The following SARDH variants were observed in gnomAD, a reference collection of about 807,000 sequenced individuals.
SARDH encodes sarcosine dehydrogenase.
In SARDH, 95 loss-of-function variants were observed where a neutral mutation model predicts 109.1. That is an observed-to-expected ratio of 0.87 (90% confidence interval 0.74 to 1.03). The LOEUF (loss-of-function observed/expected upper bound fraction) is 1.03, where lower values mean the gene tolerates loss of function less well. SARDH is among the 50% of genes least tolerant of loss of function. The pLI is 0.00. For synonymous variants in SARDH, 572 were observed against 534.8 expected, an observed-to-expected ratio of 1.07 and a Z score of -0.96; for missense variants, 1,267 against 1,287.8, an observed-to-expected ratio of 0.98 and a Z score of 0.25.
intron 17 of SARDH, among the ~76,000 whole-genome samples, chr9:133,675,090 T>C (rs1830471096): frequency 6.6e-6 from 1 of 152,146 alleles, no homozygotes; most frequent in African/African-American, 2.4e-5. Flanking sequence ...ATGCCTGTAA[T>C]CCCAGCACTT....
At chr9:133,670,446 G>A in intron 19 of SARDH, 138 bp downstream of exon 19, 1 of 912,968 alleles carries the variant, frequency 1.1e-6, no homozygotes, top group Non-Finnish European at 1.6e-6. Flanking sequence ...GTGGGCTGTT[G>A]GGTGCGTTCT....
intron 8 of SARDH, among the ~76,000 whole-genome samples, chr9:133,715,393 G>C (rs1832081588): frequency 6.6e-6 from 1 of 152,182 alleles, no homozygotes. Context: ...TTCCGGGCCT[G>C]TGTTTCTCGC....
At chr9:133,690,304 C>T in intron 16 of SARDH, 76 bp downstream of exon 16, 1 of 1,544,742 alleles carries the variant, frequency 6.5e-7, no homozygotes. Flanking sequence ...ACAAGCTGTT[C>T]TGCCCAAGGG....
chr9:133,695,511 C>T (rs56355444), intron 14 of SARDH, among the ~76,000 whole-genome samples: 38,673 of 152,100 alleles, frequency 0.25, 5,807 homozygotes, highest in East Asian at 0.37. Context: ...ACTGCAGTGA[C>T]GCAGCTGCAT....
In SARDH at chr9:133,686,537, C is replaced by G. The variant is rs1384092867; in HGVS notation, c.2070-1251G>C. ...GTTGTACCCACCCCCAATGCATCCA[C>G]CCCCAGGAGCTCCGTGCCAACAGCA... On this transcript the variant is annotated intron_variant, in intron 16 of 20. Coordinates refer to ENST00000439388, the MANE Select transcript of SARDH (RefSeq NM_001134707.2). The surrounding 1 kb of genome is among the most constrained non-coding windows in gnomAD (Gnocchi z 4.0). Among the ~76,000 whole-genome samples the G allele has an allele frequency of 6.6e-6, 1 of 151,902 alleles. No individual in the cohort carries two copies. Among genetic ancestry groups the G allele is most frequent in the Non-Finnish European group, 1.5e-5 (1 of 67,946 alleles).
At chr9:133,673,137 G>A (rs578049420) in intron 17 of SARDH, among the ~76,000 whole-genome samples, 59 of 152,346 alleles carry the variant, frequency 3.9e-4, no homozygotes, top group South Asian at 1.0e-3. Context: ...GGTGTGTCCC[G>A]CACGCCTGCA....
At chr9:133,719,480 C>CA (rs928260864) in intron 6 of SARDH, among the ~76,000 whole-genome samples, 3 of 152,130 alleles carry the variant, frequency 2.0e-5, no homozygotes, top group African/African-American at 7.2e-5. Context: ...CAAGGCAAGC[C>CA]AGTGTGCCCC....
At chr9:133,688,345 A>G (rs1378220322) in intron 16 of SARDH, among the ~76,000 whole-genome samples, 1 of 124,208 alleles carries the variant, frequency 8.1e-6, no homozygotes, top group South Asian at 3.1e-4. Context: ...CCCTCCCCCG[A>G]CCCTCTCAGC....
chr9:133,716,024 GC>G (rs1832108572), intron 8 of SARDH, among the ~76,000 whole-genome samples: 1 of 152,254 alleles, frequency 6.6e-6, no homozygotes, highest in Non-Finnish European at 1.5e-5. Context: ...ATGTGATTCT[GC>G]TGGAACCCCA....
At chr9:133,683,540 G>T (rs1830774691) in intron 17 of SARDH, among the ~76,000 whole-genome samples, 1 of 152,178 alleles carries the variant, frequency 6.6e-6, no homozygotes, top group Non-Finnish European at 1.5e-5. Context: ...CAGCTGTGCT[G>T]CTCTCTCTGA....
rs369009863 is a variant in SARDH at position 133,712,736 on chromosome 9, C to T, written c.1238-27G>A. 3.8e-5 allele frequency: 60 copies of T among 1,593,770 alleles called. No homozygotes were observed. In the South Asian group the frequency reaches 4.7e-4, roughly 13 times the overall value. On this transcript the variant is annotated intron_variant, in intron 9 of 20. Coordinates refer to ENST00000439388, the MANE Select transcript of SARDH (RefSeq NM_001134707.2). This position sits in a 1 kb window ranked among gnomAD's most constrained non-coding sequence, Gnocchi z 4.1. ...TGGCAGGAAGAGAAGCGCAGGGCTG[C>T]GGTCTGCCCCCCAGGGTCCCCCACC...
rs555695366 is a variant in SARDH at position 133,709,039 on chromosome 9, C to T, written c.1329-611G>A. Among the ~76,000 whole-genome samples, 42 of 152,288 alleles carry T rather than the reference C, an allele frequency of 2.8e-4. No individual in the cohort carries two copies. Among genetic ancestry groups the T allele is most frequent in the African/African-American group, 1.0e-3 (42 of 41,554 alleles). On this transcript the variant is annotated intron_variant, in intron 10 of 20. Transcript: ENST00000439388. This position sits in a 1 kb window ranked among gnomAD's most constrained non-coding sequence, Gnocchi z 4.2. ...GGTCAGACCAGGGACCCAAGAGGTA[C>T]AGAGTCTCTGGGGGAAAATCCCAGC...
intron 10 of SARDH, among the ~76,000 whole-genome samples, chr9:133,710,238 A>G (rs938812392): frequency 1.3e-5 from 2 of 151,956 alleles, no homozygotes. Context: ...CATTGTTCCC[A>G]TTTTCCAGGT....
At chr9:133,690,874 CCTTG>C (rs1378499697) in intron 15 of SARDH, among the ~76,000 whole-genome samples, 1 of 152,120 alleles carries the variant, frequency 6.6e-6, no homozygotes, top group Non-Finnish European at 1.5e-5. Context: ...GGCTCACCGG[CCTTG>C]CTTCTCACCT....
chr9:133,716,958 G>T (rs1046874214), intron 8 of SARDH, among the ~76,000 whole-genome samples: 11 of 152,148 alleles, frequency 7.2e-5, no homozygotes, highest in Non-Finnish European at 1.6e-4. Context: ...AGCCTCACAG[G>T]GTGCTGGGAT....
chr9:133,668,245 C>T (rs1169555871), intron 19 of SARDH, among the ~76,000 whole-genome samples: 1 of 150,944 alleles, frequency 6.6e-6, no homozygotes, highest in Non-Finnish European at 1.5e-5. Context: ...GGAGAAGCCA[C>T]AGGATGACGA....
rs763379476 is a variant in SARDH at position 133,666,925 on chromosome 9, G to T, written c.2496-55C>A. Reference sequence around the variant, plus strand: ...CCCAGAAACCGCAGGGTGGGGACGCGTCCACAGCGGCCTGGAGGAGAATGG... The same window carrying T: ...CCCAGAAACCGCAGGGTGGGGACGCTTCCACAGCGGCCTGGAGGAGAATGG... On this transcript the variant is annotated intron_variant, in intron 19 of 20. Transcript: ENST00000439388. This position sits in a 1 kb window ranked among gnomAD's most constrained non-coding sequence, Gnocchi z 5.2. 2.5e-6 allele frequency: 4 copies of T among 1,602,382 alleles called. No individual in the cohort carries two copies. The highest frequency in any genetic ancestry group is 3.4e-6 in the Non-Finnish European group (4 of 1,174,816).
intron 1 of SARDH, among the ~76,000 whole-genome samples, chr9:133,734,740 G>T (rs1832824899): frequency 1.3e-5 from 2 of 152,312 alleles, no homozygotes; most frequent in South Asian, 4.1e-4. Context: ...GAGGACAGAG[G>T]ACCAATAGCT....
In SARDH at chr9:133,708,297, G is replaced by C. The variant is rs376636689; in HGVS notation, c.1460C>G (p.Pro487Arg). The change falls in exon 11 of 21, where the codon CCG (proline) becomes CGG (arginine). Residue 487 changes from proline to arginine, a missense_variant. Physicochemically the swap from Pro to Arg is moderately radical, Grantham distance 103. Transcript: ENST00000439388. ...CTGTAGGGGCGTTACCTCGTGCAGC[G>C]GGTCTCTCCTCATGTTGCGCCCGGC... ...PLAGRNMRRD[P>R]LHEELLGQGC... is the part of the protein sequence containing the mutation. The C allele has an allele frequency of 1.2e-6, 2 of 1,612,440 alleles. No homozygotes were observed. The highest frequency in any genetic ancestry group is 4.5e-5 in the East Asian group (2 of 44,846).
Sources: gnomAD v4.1 joint callset for allele counts (sites outside exome capture counted in the v4.1 genomes callset) on GRCh38, gnomAD v4.1.1 for gene constraint, Gnocchi (gnomAD v3.1) non-coding constraint, MANE v1.5 for transcripts, NCBI Gene and HGNC (gene_info 2026-07-23, HGNC 2026-07-21) for gene names.